The following LZTFL1 variants were observed in gnomAD, a reference collection of about 807,000 sequenced individuals.
The protein encoded by LZTFL1 is leucine zipper transcription factor-like protein 1.
In LZTFL1, 25 loss-of-function variants were observed where a neutral mutation model predicts 45.9. The ratio of observed to expected loss-of-function variants is 0.54; its 90% CI spans 0.40 to 0.76. The LOEUF is 0.76. Among genes scored for constraint, LZTFL1 ranks in the 30% least tolerant of loss-of-function variants. The pLI, the probability that LZTFL1 is intolerant of heterozygous loss-of-function variation, is 0.00. For synonymous variants in LZTFL1, 93 were observed against 117.4 expected (o/e 0.79, Z 1.35); for missense variants, 277 against 331.1 (o/e 0.84, Z 1.27).
rs554419844 is a variant in LZTFL1 at position 45,910,979 on chromosome 3, T to C, written c.-215+2141A>G. On this transcript the variant is annotated intron_variant, in intron 2 of 4. Transcript: ENST00000472635. ...TTAACTACTGGCTTAGGGCCAGTAG[T>C]TGATGCTGGCTGCCATGCAGGGCCC... Among the ~76,000 whole-genome samples, 6 of 152,214 alleles carry C rather than the reference T, an allele frequency of 3.9e-5. No individual in the cohort carries two copies. The South Asian group carries it at 1.2e-3, about 32-fold the overall frequency.
intron 2 of LZTFL1, among the ~76,000 whole-genome samples, chr3:45,877,384 C>T (rs1209233411): frequency 6.6e-6 from 1 of 152,002 alleles, no homozygotes; most frequent in Non-Finnish European, 1.5e-5. Flanking sequence ...CAGGCACACG[C>T]CACCACGCCT....
chr3:45,843,543 C>T (rs756055798), upstream of LZTFL1, among the ~76,000 whole-genome samples: 14 of 152,094 alleles, frequency 9.2e-5, no homozygotes, highest in Non-Finnish European at 2.1e-4. Context: ...CTTGTGATTG[C>T]GAAGTGTTAT....
At chr3:45,889,306 A>T (rs1317506267) in intron 2 of LZTFL1, among the ~76,000 whole-genome samples, 6 of 123,238 alleles carry the variant, frequency 4.9e-5, no homozygotes, top group African/African-American at 1.6e-4. Flanking sequence ...ATTACCTTTA[A>T]AAAAAAAAAT....
At chr3:45,847,933 C>T (rs561938688) in intron 4 of LZTFL1, among the ~76,000 whole-genome samples, 1 of 152,314 alleles carries the variant, frequency 6.6e-6, no homozygotes, top group East Asian at 1.9e-4. Context: ...CTCTTCAATA[C>T]TTTTCTTAGT....
In LZTFL1 at chr3:45,889,945, C is replaced by T. The variant is rs573217921; in HGVS notation, c.-215+23175G>A. Among the ~76,000 whole-genome samples, 6 of 151,472 alleles carry T rather than the reference C, an allele frequency of 4.0e-5. No homozygotes were observed. The South Asian group carries it at 1.3e-3, about 32-fold the overall frequency. On this transcript the variant is annotated intron_variant, in intron 2 of 4. Transcript: ENST00000472635. ...GTGAGAATACCAGTAGGGCAAATTC[C>T]AAGCAGATGCGCTGCAGAGTCAGAG...
In LZTFL1 at chr3:45,824,626, T is replaced by C. The variant is rs1700618281; in HGVS notation, c.*1688A>G. On this transcript the variant is annotated 3_prime_UTR_variant, in exon 10 of 10. Coordinates refer to ENST00000296135, the MANE Select transcript of LZTFL1 (RefSeq NM_020347.4). ...TAGCAATATAGGTTTCTTATCAACA[T>C]ACCTTTTTTCCTCACTGGTTTCAAA... 2.5e-6 allele frequency: 1 copy of C among 392,890 alleles called. No individual in the cohort carries two copies. The highest frequency in any genetic ancestry group is 2.1e-5 in the African/African-American group (1 of 48,528). 24.3% of individuals were successfully genotyped at this position (392,890 alleles called of 1,614,324 possible).
chr3:45,834,387 T>A, intron 3 of LZTFL1, 89 bp from the exon 4 acceptor site: 1 of 804,984 alleles, frequency 1.2e-6, no homozygotes, highest in Non-Finnish European at 2.0e-6. Context: ...TACCAACCCA[T>A]TACATGCCAG....
At chr3:45,878,493 G>A (rs1701791302) in intron 2 of LZTFL1, among the ~76,000 whole-genome samples, 1 of 152,074 alleles carries the variant, frequency 6.6e-6, no homozygotes, top group Non-Finnish European at 1.5e-5. Context: ...ACAAAGTGGG[G>A]CAGGGTGAGG....
At chr3:45,899,933 G>T (rs765133536) in intron 2 of LZTFL1, among the ~76,000 whole-genome samples, 1 of 152,140 alleles carries the variant, frequency 6.6e-6, no homozygotes. Context: ...GTGTGTATGC[G>T]CATATATGTG....
intron 2 of LZTFL1, among the ~76,000 whole-genome samples, chr3:45,866,866 G>A (rs896441591): frequency 3.9e-5 from 6 of 152,122 alleles, no homozygotes; most frequent in African/African-American, 9.7e-5. Flanking sequence ...AGATAGTTGC[G>A]GCCAGGTGAA....
At chr3:45,877,281 T>A (rs997905767) in intron 2 of LZTFL1, among the ~76,000 whole-genome samples, 1 of 151,010 alleles carries the variant, frequency 6.6e-6, no homozygotes, top group Non-Finnish European at 1.5e-5. Flanking sequence ...TTGCCCAGGC[T>A]GGAGTGCAAT....
intron 2 of LZTFL1, among the ~76,000 whole-genome samples, chr3:45,875,928 G>A (rs1701743809): frequency 6.6e-6 from 1 of 152,106 alleles, no homozygotes; most frequent in African/African-American, 2.4e-5. Flanking sequence ...AGGAAGGGGA[G>A]GAAAAAATTA....
intron 2 of LZTFL1, among the ~76,000 whole-genome samples, chr3:45,890,073 T>C (rs1702100195): frequency 1.3e-5 from 2 of 150,460 alleles, no homozygotes; most frequent in South Asian, 4.2e-4. Context: ...TTCCAAACTC[T>C]TACCAATGTC....
At chr3:45,857,397 G>A (rs1226006786) in intron 3 of LZTFL1, among the ~76,000 whole-genome samples, 1 of 152,120 alleles carries the variant, frequency 6.6e-6, no homozygotes, top group African/African-American at 2.4e-5. Flanking sequence ...AGAGCATCAG[G>A]ATAAATAGCT....
At chr3:45,842,669 TA>T (rs913989261), upstream of LZTFL1, among the ~76,000 whole-genome samples, 3 of 152,022 alleles carry the variant, frequency 2.0e-5, no homozygotes, top group African/African-American at 4.8e-5. Context: ...TTTTTCCATT[TA>T]AAAAAAATGC....
chr3:45,877,274 C>G (rs1249185623), intron 2 of LZTFL1, among the ~76,000 whole-genome samples: 1 of 147,402 alleles, frequency 6.8e-6, no homozygotes, highest in African/African-American at 2.5e-5. Context: ...GCTCTTGTTG[C>G]CCAGGCTGGA....
rs1052281282 is a variant in LZTFL1, at chr3:45,825,170, T to G, written c.*1144A>C. On this transcript the variant is annotated 3_prime_UTR_variant, in exon 10 of 10. Transcript: ENST00000296135. ...CTTCATTTGTGGAAATGGAATGATG[T>G]CTCTTAGTAGACAGTGTTCATTTAG... The G allele has an allele frequency of 6.1e-6, 2 of 328,212 alleles. No individual in the cohort carries two copies. Among genetic ancestry groups the G allele is most frequent in the Admixed American group, 4.8e-5 (1 of 20,708 alleles). The allele number at this position is 328,212 out of a possible 1,614,324, so 20.3% of individuals were successfully genotyped here.
At chr3:45,862,559 C>T (rs373965345) in intron 2 of LZTFL1, among the ~76,000 whole-genome samples, 90 of 152,232 alleles carry the variant, frequency 5.9e-4, no homozygotes, top group Non-Finnish European at 7.9e-4. Context: ...CCAACCCTCG[C>T]GGGGAAACAG....
intron 3 of LZTFL1, among the ~76,000 whole-genome samples, chr3:45,855,729 CAAA>C (rs1330369402): frequency 6.6e-6 from 1 of 152,092 alleles, no homozygotes; most frequent in Non-Finnish European, 1.5e-5. Flanking sequence ...AATCAATGTG[CAAA>C]AATCACAAAC....
Sources: allele counts gnomAD v4.1 joint callset (sites outside exome capture counted in the v4.1 genomes callset), GRCh38; gene constraint gnomAD v4.1.1; transcripts MANE v1.5; gene names NCBI Gene and HGNC (gene_info 2026-07-23, HGNC 2026-07-21).